ZC3H18: variants seen among roughly 807,000 people sequenced by gnomAD.
ZC3H18 encodes zinc finger CCCH domain-containing protein 18.
ZC3H18 carries 8 observed loss-of-function variants against 106.1 expected under a neutral mutation model. That is an observed-to-expected ratio of 0.08 (90% CI 0.04 to 0.14). ZC3H18 has a LOEUF of 0.14. Among genes scored for constraint, ZC3H18 ranks in the 10% least tolerant of loss-of-function variants. The pLI, the probability that ZC3H18 is intolerant of heterozygous loss-of-function variation, is 1.00. For synonymous variants in ZC3H18, 635 were observed against 522.1 expected (o/e 1.22, Z -2.95); for missense variants, 1,318 against 1,278.4 (o/e 1.03, Z -0.47).
intron 8 of ZC3H18, among the ~76,000 whole-genome samples, chr16:88,620,193 G>A (rs994631186): frequency 1.1e-4 from 16 of 152,354 alleles, no homozygotes; most frequent in African/African-American, 3.1e-4. Context: ...ATGTGTTGTC[G>A]TGTGACGTAA....
chr16:88,587,751 C>G (rs753993035), intron 3 of ZC3H18: 6 of 826,160 alleles, frequency 7.3e-6, no homozygotes, highest in Middle Eastern at 2.2e-4. Context: ...GAGAGCTGTT[C>G]GGAACCTCCT....
intron 2 of ZC3H18, among the ~76,000 whole-genome samples, chr16:88,580,072 C>CCT (rs1160737417): frequency 6.6e-6 from 1 of 152,076 alleles, no homozygotes; most frequent in African/African-American, 2.4e-5. Context: ...GTTTCAGGCT[C>CCT]CTCCATCCTT....
intron 16 of ZC3H18, 90 bp downstream of exon 16, chr16:88,628,944 A>C: frequency 6.9e-6 from 9 of 1,302,048 alleles, no homozygotes; most frequent in Middle Eastern, 2.4e-4. Context: ...TGCTCTTAAC[A>C]AGTAGGAGGA....
intron 2 of ZC3H18, among the ~76,000 whole-genome samples, chr16:88,585,580 A>G (rs1032554829): frequency 4.6e-5 from 7 of 152,212 alleles, no homozygotes; most frequent in Non-Finnish European, 7.4e-5. Flanking sequence ...AGGCCACCCC[A>G]AGGAAGGGGA....
intron 2 of ZC3H18, among the ~76,000 whole-genome samples, chr16:88,579,866 T>C (rs1334830998): frequency 1.3e-5 from 2 of 152,214 alleles, no homozygotes; most frequent in African/African-American, 4.8e-5. Context: ...TGGACCTTGC[T>C]GTGCCACATG....
At chr16:88,615,115 C>CTG (rs1905507931) in intron 8 of ZC3H18, among the ~76,000 whole-genome samples, 1 of 149,934 alleles carries the variant, frequency 6.7e-6, no homozygotes, top group South Asian at 2.1e-4. Context: ...CTGCCCCCAC[C>CTG]TGCTCCGTTC....
At chr16:88,630,315 C>T (rs1296580448) in intron 16 of ZC3H18, 170 bp from the exon 17 acceptor site, 2 of 571,088 alleles carry the variant, frequency 3.5e-6, no homozygotes, top group Non-Finnish European at 3.1e-6. Flanking sequence ...TTGGTGCCCA[C>T]ATCTCTCTTC....
intron 6 of ZC3H18, among the ~76,000 whole-genome samples, chr16:88,608,301 A>G (rs1027355169): frequency 2.0e-5 from 3 of 151,818 alleles, no homozygotes; most frequent in Admixed American, 1.3e-4. Flanking sequence ...TTTTGTTCCA[A>G]AGTGTGTCAG....
intron 2 of ZC3H18, among the ~76,000 whole-genome samples, chr16:88,580,592 C>G (rs556414156): frequency 7.7e-4 from 118 of 152,286 alleles, no homozygotes; most frequent in African/African-American, 2.7e-3. Flanking sequence ...TCCACTCTTG[C>G]ATCTCTGCCG....
At chr16:88,623,075 C>T in intron 9 of ZC3H18, 144 bp from the exon 10 acceptor site, 5 of 1,191,070 alleles carry the variant, frequency 4.2e-6, no homozygotes, top group Non-Finnish European at 5.8e-6. Context: ...GTGCGCGCGT[C>T]TGCAGCTGTG....
intron 16 of ZC3H18, among the ~76,000 whole-genome samples, chr16:88,629,143 G>C (rs907558935): frequency 1.3e-5 from 2 of 151,990 alleles, no homozygotes; most frequent in African/African-American, 4.8e-5. Flanking sequence ...GTTCCAGACC[G>C]GCCTGGCCAA....
chr16:88,583,928 G>A (rs974819945), intron 2 of ZC3H18, among the ~76,000 whole-genome samples: 7 of 152,284 alleles, frequency 4.6e-5, no homozygotes, highest in Admixed American at 4.6e-4. Flanking sequence ...GGGAAACCAG[G>A]AGACCCGGAG....
At chr16:88,607,651 T>C (rs1450808456) in intron 6 of ZC3H18, among the ~76,000 whole-genome samples, 1 of 146,978 alleles carries the variant, frequency 6.8e-6, no homozygotes, top group Non-Finnish European at 1.5e-5. Context: ...TTCACAGGCT[T>C]CATGTCACGT....
Position 88,616,828 on chromosome 16 carries a change from C to T in ZC3H18, c.1475+5292C>T, listed in dbSNP as rs549033700. Among the ~76,000 whole-genome samples the T allele has an allele frequency of 2.0e-4, 31 of 152,274 alleles. 1 individual carries two copies. The South Asian group carries it at 4.8e-3, about 23-fold the overall frequency. ...CCAAGCAGAACACGAATGAGGGGCT[C>T]TGCAGTGTCCAGCACGGCTGCACCA... is the stretch of plus-strand genomic sequence containing the variant. On this transcript the variant is annotated intron_variant, in intron 8 of 17. Coordinates refer to ENST00000301011, the MANE Select transcript of ZC3H18 (RefSeq NM_144604.4).
intron 9 of ZC3H18, 165 bp downstream of exon 9, chr16:88,622,553 G>A: frequency 1.4e-6 from 1 of 740,072 alleles, no homozygotes; most frequent in Non-Finnish European, 2.1e-6. Context: ...TATACCTTCA[G>A]CAAAGAGCAT....
intron 8 of ZC3H18, among the ~76,000 whole-genome samples, chr16:88,617,465 CTT>C (rs1905689781): frequency 6.6e-6 from 1 of 152,252 alleles, no homozygotes; most frequent in Non-Finnish European, 1.5e-5. Flanking sequence ...GAAACCTAAT[CTT>C]TATAGCTAGG....
chr16:88,576,483 G>C (rs369876275), intron 1 of ZC3H18, among the ~76,000 whole-genome samples: 2 of 152,082 alleles, frequency 1.3e-5, no homozygotes, highest in Non-Finnish European at 2.9e-5. Context: ...CAGCCCTCTC[G>C]ACACCTGCTG....
At chr16:88,572,028 A>G (rs985695864) in intron 1 of ZC3H18, among the ~76,000 whole-genome samples, 10 of 152,370 alleles carry the variant, frequency 6.6e-5, no homozygotes, top group Admixed American at 4.6e-4. Flanking sequence ...AATCAGTCTT[A>G]TTCAATAGTC....
In ZC3H18 at chr16:88,611,313, G is replaced by A. The variant is rs758106318; in HGVS notation, c.1252G>A (p.Glu418Lys). ...GAGAGAGAACAGACAGCGCGAGCGC[G>A]AGCGGGAGCGGGAGCGGGACCGAGA... ...RERENRQRER[E>K]RERERDRERE... is the part of the protein sequence containing the mutation. The change falls in exon 8 of 18, where the codon GAG becomes AAG. Residue 418 changes from glutamate to lysine, a missense_variant. Transcript: ENST00000301011. 5 of 733,976 alleles carry A rather than the reference G, an allele frequency of 6.8e-6. No individual in the cohort carries two copies. The highest frequency in any genetic ancestry group is 2.0e-5 in the Admixed American group (1 of 50,070). 45.5% of individuals were successfully genotyped at this position (733,976 alleles called of 1,614,324 possible). A position where few individuals can be genotyped will look rare whatever the true frequency, so the allele number is the denominator to read the frequency against.
Sources: gnomAD v4.1 joint callset for allele counts (sites outside exome capture counted in the v4.1 genomes callset) on GRCh38, gnomAD v4.1.1 for gene constraint, MANE v1.5 for transcripts, NCBI Gene and HGNC (gene_info 2026-07-23, HGNC 2026-07-21) for gene names.